CDH12: variants seen among roughly 807,000 people sequenced by gnomAD.
CDH12 encodes the protein cadherin-12.
Under a neutral mutation model 74.1 loss-of-function variants are expected in CDH12, and 41 were observed. The ratio of observed to expected loss-of-function variants is 0.55; its 90% CI spans 0.43 to 0.72. CDH12 has a LOEUF of 0.72. CDH12 is among the 30% of genes least tolerant of loss of function. The probability of loss-of-function intolerance (pLI) is 0.00; values close to 1 mark genes in which losing one functional copy is unlikely to be tolerated. For missense variants in CDH12, 945 were observed against 977.2 expected (o/e 0.97, Z 0.44); for synonymous variants, 399 against 355.0 (o/e 1.12, Z -1.39).
At chr5:22,068,224 AC>A (rs1741696251) in intron 5 of CDH12, among the ~76,000 whole-genome samples, 3 of 152,082 alleles carry the variant, frequency 2.0e-5, no homozygotes, top group African/African-American at 7.2e-5. Flanking sequence ...TGCACAAGTA[AC>A]TGACATGAAG....
At chr5:22,428,507 C>T (rs1744037600) in intron 2 of CDH12, among the ~76,000 whole-genome samples, 1 of 151,788 alleles carries the variant, frequency 6.6e-6, no homozygotes, top group Non-Finnish European at 1.5e-5. Flanking sequence ...GATGTTGAAA[C>T]TATCAAATTT....
intron 1 of CDH12, among the ~76,000 whole-genome samples, chr5:22,685,739 T>C (rs1014690133): frequency 2.0e-5 from 3 of 152,228 alleles, no homozygotes; most frequent in Non-Finnish European, 4.4e-5. Flanking sequence ...CTTTCTTTTT[T>C]ATTGCCAAAT....
At chr5:22,620,714 T>C (rs973652519) in intron 1 of CDH12, among the ~76,000 whole-genome samples, 2 of 152,142 alleles carry the variant, frequency 1.3e-5, no homozygotes, top group African/African-American at 4.8e-5. Context: ...ATTAGTGTCA[T>C]ATAGACCACA....
chr5:22,110,666 A>G (rs1744755172), intron 4 of CDH12, among the ~76,000 whole-genome samples: 1 of 152,096 alleles, frequency 6.6e-6, no homozygotes, highest in Non-Finnish European at 1.5e-5. Context: ...AAGGCCAATC[A>G]TAGGTGCTAC....
chr5:22,218,518 A>C (rs547034742), intron 3 of CDH12, among the ~76,000 whole-genome samples: 1 of 151,948 alleles, frequency 6.6e-6, no homozygotes. Context: ...GTAGAATTAA[A>C]AAATATGGAA....
chr5:21,883,291 G>T, intron 6 of CDH12: 2 of 1,463,974 alleles, frequency 1.4e-6, no homozygotes, highest in Non-Finnish European at 1.9e-6. Flanking sequence ...ACATCAAAAG[G>T]TCAGAAATGT....
chr5:22,482,269 C>T (rs894568467), intron 2 of CDH12, among the ~76,000 whole-genome samples: 3 of 152,066 alleles, frequency 2.0e-5, no homozygotes, highest in African/African-American at 7.2e-5. Context: ...TAGACTTCCT[C>T]ATATATTTTG....
intron 5 of CDH12, among the ~76,000 whole-genome samples, chr5:22,015,310 AAAT>A (rs1477261471): frequency 6.6e-6 from 1 of 152,158 alleles, no homozygotes; most frequent in Non-Finnish European, 1.5e-5. Context: ...TTTTCACTGA[AAAT>A]AATGCTTTTA....
intron 5 of CDH12, among the ~76,000 whole-genome samples, chr5:22,044,107 C>T (rs1000459122): frequency 6.6e-6 from 1 of 152,022 alleles, no homozygotes; most frequent in African/African-American, 2.4e-5. Context: ...CATGGAACCA[C>T]AAAAAATTCT....
chr5:22,115,594 C>T (rs2150266068), intron 4 of CDH12, among the ~76,000 whole-genome samples: 1 of 151,036 alleles, frequency 6.6e-6, no homozygotes, highest in East Asian at 1.9e-4. Context: ...ATTGGAAATG[C>T]AATAAGTTTG....
intron 1 of CDH12, among the ~76,000 whole-genome samples, chr5:22,724,400 C>T (rs563281255): frequency 1.4e-4 from 21 of 151,782 alleles, no homozygotes; most frequent in East Asian, 3.9e-4. Context: ...ACCTTTCCCC[C>T]GAGTCTCCAA....
intron 4 of CDH12, among the ~76,000 whole-genome samples, chr5:22,158,074 G>C (rs1396856520): frequency 6.6e-6 from 1 of 151,906 alleles, no homozygotes; most frequent in Non-Finnish European, 1.5e-5. Flanking sequence ...TAGAGGGAGA[G>C]TACAACTTTA....
chr5:22,679,281 G>A (rs1486860325), intron 1 of CDH12, among the ~76,000 whole-genome samples: 1 of 152,074 alleles, frequency 6.6e-6, no homozygotes, highest in African/African-American at 2.4e-5. Context: ...TAGAGTATGT[G>A]TTCATTCCTA....
intron 2 of CDH12, among the ~76,000 whole-genome samples, chr5:22,431,099 T>C (rs1004218950): frequency 3.3e-5 from 5 of 152,164 alleles, no homozygotes; most frequent in East Asian, 1.9e-4. Context: ...ATTACAAAAA[T>C]AGCTCAGTTG....
chr5:22,639,423 TTTC>T (rs1348736599), intron 1 of CDH12, among the ~76,000 whole-genome samples: 11 of 145,408 alleles, frequency 7.6e-5, no homozygotes, highest in African/African-American at 1.0e-4. Context: ...TATTTAAGCT[TTTC>T]TTCTTCTTTT....
intron 3 of CDH12, among the ~76,000 whole-genome samples, chr5:22,358,234 C>A (rs998297203): frequency 5.9e-5 from 9 of 152,044 alleles, no homozygotes; most frequent in Admixed American, 4.6e-4. Context: ...CATGACAAAA[C>A]CCCATCTCTA....
At chr5:22,029,687 T>C (rs1012437833) in intron 5 of CDH12, among the ~76,000 whole-genome samples, 1 of 152,116 alleles carries the variant, frequency 6.6e-6, no homozygotes, top group African/African-American at 2.4e-5. Flanking sequence ...AGATCAACCA[T>C]TGTGGAAGTC....
intron 2 of CDH12, among the ~76,000 whole-genome samples, chr5:22,464,577 C>T (rs1417812976): frequency 6.6e-6 from 1 of 152,168 alleles, no homozygotes; most frequent in Non-Finnish European, 1.5e-5. Flanking sequence ...TACCCATTTT[C>T]ATCCCATCAC....
intron 3 of CDH12, among the ~76,000 whole-genome samples, chr5:22,262,967 C>T: frequency 6.6e-6 from 1 of 151,594 alleles, no homozygotes; most frequent in Non-Finnish European, 1.5e-5. Flanking sequence ...CCAGAATCTA[C>T]AATGAACTCA....
Sources: allele counts gnomAD v4.1 joint callset (sites outside exome capture counted in the v4.1 genomes callset), GRCh38; gene constraint gnomAD v4.1.1; transcripts MANE v1.5; gene names NCBI Gene and HGNC (gene_info 2026-07-23, HGNC 2026-07-21).